CCNJL: variants seen among roughly 807,000 people sequenced by gnomAD.
CCNJL encodes the protein cyclin-J-like protein.
A neutral mutation model predicts 33.4 loss-of-function variants in CCNJL; 33 were observed. That is an observed-to-expected ratio of 0.99 (90% confidence interval 0.75 to 1.32). The LOEUF (loss-of-function observed/expected upper bound fraction) is 1.32. Ranked by LOEUF, CCNJL falls within the 40% of genes most tolerant of loss-of-function variation. The pLI is 0.00. For missense variants in CCNJL, 512 were observed against 499.7 expected (o/e 1.02, Z -0.23); for synonymous variants, 227 against 220.9 (o/e 1.03, Z -0.24).
intron 2 of CCNJL, among the ~76,000 whole-genome samples, chr5:160,282,519 A>T (rs1762249874): frequency 6.6e-6 from 1 of 152,204 alleles, no homozygotes; most frequent in South Asian, 2.1e-4. Flanking sequence ...GAAAAAAGAC[A>T]ACCTGCAAAA....
chr5:160,280,458 A>G, intron 3 of CCNJL, 67 bp downstream of exon 3: 1 of 1,252,702 alleles, frequency 8.0e-7, no homozygotes, highest in Non-Finnish European at 1.1e-6. Flanking sequence ...GTGATTTGGA[A>G]GCAGCCAGGC....
chr5:160,278,175 T>G (rs1762081974), intron 3 of CCNJL, among the ~76,000 whole-genome samples: 1 of 152,150 alleles, frequency 6.6e-6, no homozygotes, highest in Admixed American at 6.5e-5. Flanking sequence ...TATTTTTGTA[T>G]TTTTAGGAGA....
intron 2 of CCNJL, 100 bp from the exon 3 acceptor site, chr5:160,280,838 C>G (rs562548157): frequency 2.5e-6 from 2 of 802,214 alleles, no homozygotes; most frequent in Non-Finnish European, 4.2e-6. Flanking sequence ...TGGGAGGCAA[C>G]GATTCCCTCC....
rs1037207852 is a variant in CCNJL at position 160,252,452 on chromosome 5, C to T, written c.*926G>A. 2.0e-5 allele frequency: 3 copies of T among 152,284 alleles called. No homozygotes were observed. The highest frequency in any genetic ancestry group is 2.9e-5 in the Non-Finnish European group (2 of 68,030). The allele number at this position is 152,284 out of a possible 1,614,324, so 9.4% of individuals were successfully genotyped here. ...GTTTAAATCTTTGTCTTCCTTTCAA[C>T]GAGCTTCTCCCTCCCTGGGTAGTTA... is the stretch of plus-strand genomic sequence containing the variant. On this transcript the variant is annotated 3_prime_UTR_variant, in exon 6 of 6. Transcript: ENST00000257536.
At chr5:160,310,122 C>A (rs2113455260) in intron 2 of CCNJL, among the ~76,000 whole-genome samples, 1 of 152,276 alleles carries the variant, frequency 6.6e-6, no homozygotes, top group East Asian at 1.9e-4. Context: ...TCCTCCTAAG[C>A]TATGAGCAGA....
intron 1 of CCNJL, among the ~76,000 whole-genome samples, chr5:160,337,003 C>CTTTTTTTTTTTTTTTTTTTTT (rs35461944): frequency 1.1e-5 from 1 of 95,062 alleles, no homozygotes; most frequent in Non-Finnish European, 2.0e-5. Flanking sequence ...CTTTTTCTTT[C>CTTTTTTTTTTTTTTTTTTTTT]TTTTTTTTTT....
At chr5:160,303,701 T>C (rs866105023) in intron 2 of CCNJL, among the ~76,000 whole-genome samples, 12 of 31,822 alleles carry the variant, frequency 3.8e-4, no homozygotes, top group Middle Eastern at 0.012. Context: ...TCTGTGTGTC[T>C]GTGTGTGTGT....
chr5:160,278,370 C>A (rs915462145), intron 3 of CCNJL, among the ~76,000 whole-genome samples: 8 of 152,132 alleles, frequency 5.3e-5, no homozygotes, highest in African/African-American at 1.4e-4. Context: ...CCCAGCTCTT[C>A]TTATCTCAGA....
chr5:160,266,617 G>A (rs1438145737), intron 3 of CCNJL, among the ~76,000 whole-genome samples: 1 of 152,202 alleles, frequency 6.6e-6, no homozygotes, highest in Non-Finnish European at 1.5e-5. Context: ...TAGGGAGGGT[G>A]CAAGGAGTGT....
intron 4 of CCNJL, among the ~76,000 whole-genome samples, chr5:160,256,163 A>G (rs1464557468): frequency 6.6e-6 from 1 of 152,220 alleles, no homozygotes; most frequent in Non-Finnish European, 1.5e-5. Flanking sequence ...TGCTGGGATT[A>G]CAGGTGTGAG....
At chr5:160,311,163 A>T (rs553071383) in intron 2 of CCNJL, among the ~76,000 whole-genome samples, 44 of 152,124 alleles carry the variant, frequency 2.9e-4, no homozygotes, top group Admixed American at 8.5e-4. Context: ...CCTTGAGGGG[A>T]GGGGTGTGCA....
At chr5:160,262,488 T>C (rs1348352652) in intron 3 of CCNJL, among the ~76,000 whole-genome samples, 3 of 152,206 alleles carry the variant, frequency 2.0e-5, no homozygotes, top group East Asian at 3.8e-4. Context: ...CTACGAGCAC[T>C]AAACTCGACA....
At position 160,288,330 on chromosome 5, in the gene CCNJL, CA is replaced by C. The variant is rs1015694965; in HGVS notation, c.67-7593del. Among the ~76,000 whole-genome samples the C allele has an allele frequency of 4.6e-5, 7 of 152,036 alleles. No homozygotes were observed. The South Asian group carries it at 1.5e-3, about 32-fold the overall frequency. Reference sequence around the variant, plus strand: ...ACTATGTTTTCAGTTTGGAAACAAACAAAAAGACTAGATACCCACTGTGTTA... The same window carrying C: ...ACTATGTTTTCAGTTTGGAAACAAACAAAAGACTAGATACCCACTGTGTTA... On this transcript the variant is annotated intron_variant, in intron 2 of 5. Transcript: ENST00000257536.
At chr5:160,302,143 T>C (rs2113427883) in intron 2 of CCNJL, among the ~76,000 whole-genome samples, 1 of 152,358 alleles carries the variant, frequency 6.6e-6, no homozygotes, top group African/African-American at 2.4e-5. Context: ...ATATAAATTA[T>C]ACTTCAATTT....
chr5:160,256,066 T>G (rs1046029436), intron 4 of CCNJL, among the ~76,000 whole-genome samples: 9 of 152,182 alleles, frequency 5.9e-5, no homozygotes, highest in African/African-American at 1.9e-4. Flanking sequence ...TTTTCGTATT[T>G]TTTTGAGAGA....
intron 2 of CCNJL, among the ~76,000 whole-genome samples, chr5:160,306,664 C>T (rs1314324352): frequency 6.6e-6 from 1 of 152,176 alleles, no homozygotes. Flanking sequence ...TCTTTGCTTA[C>T]TAACATAACT....
At chr5:160,314,854 T>G (rs909609287), upstream of CCNJL, among the ~76,000 whole-genome samples, 41 of 152,190 alleles carry the variant, frequency 2.7e-4, 1 homozygote, top group Non-Finnish European at 6.0e-4. Context: ...TTAAAAGCTT[T>G]TTTTAAAAAA....
At chr5:160,333,223 C>T (rs747546895) in intron 1 of CCNJL, among the ~76,000 whole-genome samples, 1 of 151,788 alleles carries the variant, frequency 6.6e-6, no homozygotes, top group Non-Finnish European at 1.5e-5. Context: ...CCCAGGTTCA[C>T]GCCATTCTCC....
intron 1 of CCNJL, among the ~76,000 whole-genome samples, chr5:160,324,627 G>GTCTGTCTTTCTA (rs140137170): frequency 1.3e-5 from 2 of 151,570 alleles, no homozygotes; most frequent in African/African-American, 4.9e-5. Flanking sequence ...AAAACTGTCT[G>GTCTGTCTTTCTA]TCTATCTATC....
Sources: gnomAD v4.1 joint callset for allele counts (sites outside exome capture counted in the v4.1 genomes callset) on GRCh38, gnomAD v4.1.1 for gene constraint, MANE v1.5 for transcripts, NCBI Gene and HGNC (gene_info 2026-07-23, HGNC 2026-07-21) for gene names.